The following TIAM2 variants were observed in gnomAD, a reference collection of about 807,000 sequenced individuals.
The protein encoded by TIAM2 is rho guanine nucleotide exchange factor TIAM2.
Under a neutral mutation model 152.9 loss-of-function variants are expected in TIAM2, and 80 were observed. The ratio of observed to expected loss-of-function variants is 0.52; its 90% CI spans 0.44 to 0.63. TIAM2 has a LOEUF of 0.63. Among genes scored for constraint, TIAM2 ranks in the 30% least tolerant of loss-of-function variants. The pLI is 0.00. For missense variants in TIAM2, 1,965 were observed against 2,120.1 expected, an observed-to-expected ratio of 0.93 and a Z score of 1.44; for synonymous variants, 804 against 838.0, an observed-to-expected ratio of 0.96 and a Z score of 0.70.
At position 155,128,737 on chromosome 6, in the gene TIAM2, G is replaced by A. The variant is rs375830062; in HGVS notation, c.-6-481G>A. ...ACCCCGAGCTTGAGAGTGGTAGCAC[G>A]TGCCTATAGTCCCAGCTACTTGGGA... On this transcript the variant is annotated intron_variant, in intron 3 of 26. Coordinates refer to ENST00000682666, the MANE Select transcript of TIAM2 (RefSeq NM_012454.4). Among the ~76,000 whole-genome samples, 6 of 151,434 alleles carry A rather than the reference G, an allele frequency of 4.0e-5. No individual in the cohort carries two copies. The East Asian group carries it at 1.2e-3, about 29-fold the overall frequency.
At chr6:155,075,036 T>G (rs1026572121) in intron 1 of TIAM2, among the ~76,000 whole-genome samples, 62 of 151,634 alleles carry the variant, frequency 4.1e-4, no homozygotes, top group Admixed American at 1.3e-3. Flanking sequence ...CAGCCGCGGC[T>G]CTGGACCAGG....
chr6:155,073,181 T>TTTA (rs1201958257), intron 1 of TIAM2, among the ~76,000 whole-genome samples: 196 of 148,510 alleles, frequency 1.3e-3, no homozygotes, highest in Non-Finnish European at 2.0e-3. Flanking sequence ...TTTTTTTTTT[T>TTTA]AGACTAAGTC....
At chr6:155,243,673 C>G (rs532604837) in intron 16 of TIAM2, among the ~76,000 whole-genome samples, 1 of 151,562 alleles carries the variant, frequency 6.6e-6, no homozygotes, top group African/African-American at 2.4e-5. Context: ...ATGGTGAAAC[C>G]CTGCCCCTAC....
At position 155,129,607 on chromosome 6, in the gene TIAM2, C is replaced by T. The variant is rs1185959067; in HGVS notation, c.384C>T (p.Ile128=). ...SVGHELADNH[I]TSRDCNGHLL... ...GCCACGAGCTGGCAGATAACCACAT[C>T]ACCTCCAGAGACTGCAACGGACACC... is the stretch of plus-strand genomic sequence containing the variant. Residue 128 remains isoleucine (I), a synonymous_variant, in exon 4 of 27, where the codon ATC becomes ATT. Transcript: ENST00000682666. The surrounding 1 kb of genome is among the most constrained non-coding windows in gnomAD (Gnocchi z 4.8). The T allele has an allele frequency of 1.9e-6, 3 of 1,614,046 alleles. No homozygotes were observed. The highest frequency in any genetic ancestry group is 1.7e-5 in the Admixed American group (1 of 60,004).
In TIAM2 at chr6:155,130,384, G is replaced by C. The variant is rs751233841; in HGVS notation, c.1161G>C (p.Thr387=). 2.5e-6 allele frequency: 4 copies of C among 1,613,792 alleles called. No individual in the cohort carries two copies. ...GGATGCGACGGATCAGTGACTGGAC[G>C]GGAAGCCTCTCAAGGAAGAAAAGGA... ...KARMRRISDW[T]GSLSRKKRKL... The change falls in exon 4 of 27, where the codon ACG becomes ACC. Residue 387 remains threonine (T), a synonymous_variant. Coordinates refer to ENST00000682666, the MANE Select transcript of TIAM2 (RefSeq NM_012454.4).
At chr6:155,114,859 G>A (rs1285725914) in intron 2 of TIAM2, among the ~76,000 whole-genome samples, 9 of 151,850 alleles carry the variant, frequency 5.9e-5, no homozygotes, top group South Asian at 4.2e-4. Flanking sequence ...ATGGAGTCTC[G>A]CTTTGTCACC....
chr6:155,205,173 A>G (rs558250046), intron 14 of TIAM2, among the ~76,000 whole-genome samples: 12 of 115,652 alleles, frequency 1.0e-4, no homozygotes, highest in Admixed American at 2.2e-4. Context: ...AACTACCATT[A>G]TTAATTTCTA....
chr6:155,210,608 A>G (rs766847018), intron 14 of TIAM2, among the ~76,000 whole-genome samples: 12 of 152,090 alleles, frequency 7.9e-5, no homozygotes, highest in Non-Finnish European at 1.5e-4. Flanking sequence ...CAGGCCTGAG[A>G]TTACGGGCAT....
At chr6:155,023,197 A>C (rs913777757) in intron 1 of TIAM2, among the ~76,000 whole-genome samples, 1 of 152,064 alleles carries the variant, frequency 6.6e-6, no homozygotes, top group Non-Finnish European at 1.5e-5. Flanking sequence ...CAGGAAATTG[A>C]CTTTGAAGGA....
intron 14 of TIAM2, among the ~76,000 whole-genome samples, chr6:155,204,034 G>A (rs1362011088): frequency 6.6e-6 from 1 of 152,162 alleles, no homozygotes; most frequent in Non-Finnish European, 1.5e-5. Context: ...CAGGGATGGT[G>A]ACGTTTGGTA....
Position 155,090,287 on chromosome 6 carries a change from A to G in TIAM2, c.-208-2A>G, listed in dbSNP as rs910533543. 6.6e-6 allele frequency: 1 copy of G among 152,194 alleles called. No individual in the cohort carries two copies. Among genetic ancestry groups the G allele is most frequent in the Non-Finnish European group, 1.5e-5 (1 of 68,030 alleles). The allele number at this position is 152,194 out of a possible 1,614,324, so 9.4% of individuals were successfully genotyped here. ...CTCTGTGTTTTTGTTTTATTTTGCC[A>G]GGGCTCTGTGTATGAATGACAAGGA... is the stretch of plus-strand genomic sequence containing the variant. On this transcript the variant is annotated splice_acceptor_variant, in intron 1 of 26. Coordinates refer to ENST00000682666, the MANE Select transcript of TIAM2 (RefSeq NM_012454.4). LOFTEE classifies it low-confidence loss of function (5UTR_SPLICE).
At chr6:155,247,270 C>T (rs906508089) in intron 19 of TIAM2, among the ~76,000 whole-genome samples, 1 of 152,186 alleles carries the variant, frequency 6.6e-6, no homozygotes, top group Non-Finnish European at 1.5e-5. Context: ...GGTTTATTTT[C>T]CTTTATGAAA....
chr6:155,177,224 A>G (rs1390211705), intron 10 of TIAM2, among the ~76,000 whole-genome samples: 1 of 152,228 alleles, frequency 6.6e-6, no homozygotes, highest in African/African-American at 2.4e-5. Flanking sequence ...GAGCTAATCT[A>G]CTGAAATTCT....
intron 15 of TIAM2, among the ~76,000 whole-genome samples, chr6:155,239,379 G>A (rs989704616): frequency 9.2e-5 from 14 of 152,340 alleles, no homozygotes; most frequent in Admixed American, 8.5e-4. Context: ...GCTGCTGGCG[G>A]AGATGTGAAA....
intron 1 of TIAM2, among the ~76,000 whole-genome samples, chr6:154,997,597 C>T (rs1411868613): frequency 2.0e-5 from 3 of 148,964 alleles, no homozygotes; most frequent in Admixed American, 2.0e-4. Flanking sequence ...GTTAAGGTTC[C>T]TAGGTTCCGT....
chr6:155,172,562 G>A (rs1583228516), intron 9 of TIAM2, among the ~76,000 whole-genome samples: 3 of 146,338 alleles, frequency 2.1e-5, no homozygotes, highest in East Asian at 4.1e-4. Flanking sequence ...ATTTGACCTG[G>A]ATTGCCTTGC....
chr6:155,214,988 A>C lies in TIAM2; in HGVS notation c.3168+3681A>C, dbSNP rs1562356488. On this transcript the variant is annotated intron_variant, in intron 15 of 26. Coordinates refer to ENST00000682666, the MANE Select transcript of TIAM2 (RefSeq NM_012454.4). This position sits in a 1 kb window ranked among gnomAD's most constrained non-coding sequence, Gnocchi z 5.4. ...TCAAATCCTCCTGAAACACTGATAGAGCAAGGCCATGTATTTAAAAGTTAA... is the reference window on the plus strand; with the variant it reads ...TCAAATCCTCCTGAAACACTGATAGCGCAAGGCCATGTATTTAAAAGTTAA... Among the ~76,000 whole-genome samples, 2 of 152,134 alleles carry C rather than the reference A, an allele frequency of 1.3e-5. No homozygotes were observed. The highest frequency in any genetic ancestry group is 2.9e-5 in the Non-Finnish European group (2 of 68,020).
chr6:155,188,047 T>G (rs1211125761), intron 14 of TIAM2, among the ~76,000 whole-genome samples: 1 of 152,154 alleles, frequency 6.6e-6, no homozygotes, highest in Non-Finnish European at 1.5e-5. Context: ...GACTTACTGT[T>G]TCCTGAGGCC....
At chr6:155,226,784 C>T (rs986214657) in intron 15 of TIAM2, among the ~76,000 whole-genome samples, 5 of 152,204 alleles carry the variant, frequency 3.3e-5, no homozygotes, top group Non-Finnish European at 7.3e-5. Context: ...GACATAGTCC[C>T]TTTCATTCCC....
Sources: gnomAD v4.1 joint callset for allele counts (sites outside exome capture counted in the v4.1 genomes callset) on GRCh38, gnomAD v4.1.1 for gene constraint, Gnocchi (gnomAD v3.1) non-coding constraint, MANE v1.5 for transcripts, NCBI Gene and HGNC (gene_info 2026-07-23, HGNC 2026-07-21) for gene names.